Variants in IKBIP observed in about 807,000 individuals in gnomAD.
IKBIP encodes inhibitor of nuclear factor kappa-B kinase-interacting protein.
In IKBIP, 28 loss-of-function variants were observed where a neutral mutation model predicts 31.0. The observed-to-expected ratio is 0.90, with a 90% CI of 0.67 to 1.24. The LOEUF is 1.24. Among genes scored for constraint, IKBIP ranks in the 50% most tolerant of loss-of-function variants. The probability of loss-of-function intolerance (pLI) is 0.00; values close to 1 mark genes in which losing one functional copy is unlikely to be tolerated. For synonymous variants in IKBIP, 164 were observed against 160.3 expected (o/e 1.02, Z -0.17); for missense variants, 453 against 441.9 (o/e 1.03, Z -0.23).
At position 98,626,536 on chromosome 12, in the gene IKBIP, T is replaced by C; in HGVS notation, c.528A>G (p.Glu176=). ...TTACTTGAGAATGTATATGTTTTGC[T>C]TCTGATTTGAAAATGTCTGTATTAA... ...MNINTDIFKS[E]AKHIHSQVTV... is the part of the protein sequence containing the mutation. Residue 176 remains glutamate, a synonymous_variant, in exon 3 of 3, where the codon GAA becomes GAG. Transcript: ENST00000299157. The C allele has an allele frequency of 6.2e-7, 1 of 1,613,090 alleles. No homozygotes were observed. The highest frequency in any genetic ancestry group is 8.5e-7 in the Non-Finnish European group (1 of 1,179,550).
intron 2 of IKBIP, among the ~76,000 whole-genome samples, chr12:98,614,679 G>T (rs1565836148): frequency 6.6e-6 from 1 of 151,780 alleles, no homozygotes; most frequent in Non-Finnish European, 1.5e-5. Flanking sequence ...TGCCCACCTC[G>T]GCCTCCTAAA....
rs61623957 is a variant in IKBIP at position 98,630,376 on chromosome 12, CAAAAAAAAAAAAAAAAAAAAAA to C, written c.298-3632_298-3611del. On this transcript the variant is annotated intron_variant, in intron 2 of 2. Transcript: ENST00000299157. ...CCAGCCTGGGCAACAAGAGCCTGGG[CAAAAAAAAAAAAAAAAAAAAAA>C]AAAAAAAAAAAAAAAGAGCTAGTAC... Among the ~76,000 whole-genome samples, 53 of 41,300 alleles carry C rather than the reference CAAAAAAAAAAAAAAAAAAAAAA, an allele frequency of 1.3e-3. 2 individuals are homozygous for C. Among genetic ancestry groups the C allele is most frequent in the East Asian group, 3.5e-3 (3 of 850 alleles). The allele number at this position is 41,300 out of a possible 152,430, so 27.1% of individuals were successfully genotyped here.
Position 98,624,735 on chromosome 12 carries a change from A to G in IKBIP, c.*1195T>C. On this transcript the variant is annotated 3_prime_UTR_variant, in exon 3 of 3. Transcript: ENST00000299157. Reference sequence around the variant, plus strand: ...AAAATGACGTATTTTTAACTATCATAGTTATTATCATAATTAATTATCAGA... The same window carrying G: ...AAAATGACGTATTTTTAACTATCATGGTTATTATCATAATTAATTATCAGA... 1.1e-6 allele frequency: 1 copy of G among 894,482 alleles called. No homozygotes were observed. The allele number at this position is 894,482 out of a possible 1,614,324, so 55.4% of individuals were successfully genotyped here.
chr12:98,628,188 G>A (rs548352493), intron 2 of IKBIP, among the ~76,000 whole-genome samples: 11 of 152,320 alleles, frequency 7.2e-5, no homozygotes, highest in Non-Finnish European at 1.6e-4. Flanking sequence ...TTGTTTAATC[G>A]ACGAGAAAGA....
rs749244911 is a variant in IKBIP, at chr12:98,626,543, T to A, written c.521A>T (p.Lys174Ile). 6.2e-7 allele frequency: 1 copy of A among 1,613,070 alleles called. No individual in the cohort carries two copies. Among genetic ancestry groups the A allele is most frequent in the Non-Finnish European group, 8.5e-7 (1 of 1,179,536 alleles). Residue 174 changes from lysine to isoleucine, a missense_variant, in exon 3 of 3, where the codon AAA becomes ATA. Transcript: ENST00000299157. The stretch of plus-strand genomic sequence containing the variant: ...AGAATGTATATGTTTTGCTTCTGAT[T>A]TGAAAATGTCTGTATTAATGTTCAT... Reference protein sequence around the residue: ...EEMNINTDIFKSEAKHIHSQV... With the variant: ...EEMNINTDIFISEAKHIHSQV...
intron 1 of IKBIP, among the ~76,000 whole-genome samples, chr12:98,634,907 C>T (rs1324173653): frequency 6.6e-6 from 1 of 151,460 alleles, no homozygotes; most frequent in Non-Finnish European, 1.5e-5. Flanking sequence ...GACGGGGTTT[C>T]ACTGTGTTAG....
In IKBIP at chr12:98,633,929, C is replaced by T. The variant is rs368713518; in HGVS notation, c.297+367G>A. 9.9e-5 allele frequency among the ~76,000 whole-genome samples: 15 copies of T among 152,192 alleles called. 2 individuals carry two copies. Among genetic ancestry groups the T allele is most frequent in the East Asian group, 3.9e-4 (2 of 5,186 alleles). On this transcript the variant is annotated intron_variant, in intron 2 of 2. Coordinates refer to ENST00000299157, the MANE Select transcript of IKBIP (RefSeq NM_153687.4). ...GCTATTCATATTCTAATTTTATGTC[C>T]AAAGATCAACCATATTTTCAGATGA...
intron 2 of IKBIP, among the ~76,000 whole-genome samples, chr12:98,617,158 A>C (rs1468584328): frequency 6.6e-6 from 1 of 152,268 alleles, no homozygotes; most frequent in Non-Finnish European, 1.5e-5. Flanking sequence ...TATGTGGAAC[A>C]TAAAGATGAG....
chr12:98,614,018 T>G, exon 3 of IKBIP: 1 of 1,609,602 alleles, frequency 6.2e-7, no homozygotes, highest in Non-Finnish European at 8.5e-7. Context: ...TGTATTTTTT[T>G]CTACTTTCTC....
chr12:98,632,512 A>AATATATATATATATATATGTGT (rs2097621575), intron 2 of IKBIP, among the ~76,000 whole-genome samples: 2 of 22,792 alleles, frequency 8.8e-5, no homozygotes, highest in African/African-American at 3.4e-4. Context: ...AAAAAAAAAA[A>AATATATATATATATATATGTGT]ATATATATAT....
Position 98,625,364 on chromosome 12 carries a change from C to G in IKBIP, c.*566G>C. The G allele has an allele frequency of 1.2e-6, 1 of 864,316 alleles. No individual in the cohort carries two copies. 53.5% of individuals were successfully genotyped at this position (864,316 alleles called of 1,614,324 possible). ...AGTGCATATTAATTCATAGCAAAGG[C>G]ACCAGGCTCTCCCTCAGGCATGTTA... On this transcript the variant is annotated 3_prime_UTR_variant, in exon 3 of 3. Coordinates refer to ENST00000299157, the MANE Select transcript of IKBIP (RefSeq NM_153687.4).
chr12:98,623,850 T>C (rs1321422225), downstream of IKBIP, among the ~76,000 whole-genome samples: 2 of 151,184 alleles, frequency 1.3e-5, no homozygotes, highest in Non-Finnish European at 2.9e-5. Flanking sequence ...ATTTTAAGCA[T>C]CTGTGTTAAA....
intron 1 of IKBIP, among the ~76,000 whole-genome samples, chr12:98,642,117 C>G (rs1043269138): frequency 2.6e-5 from 4 of 152,202 alleles, no homozygotes; most frequent in African/African-American, 4.8e-5. Flanking sequence ...GTTTAGTTTT[C>G]TATTAAAGCT....
At chr12:98,623,482 C>T (rs566520857), downstream of IKBIP, among the ~76,000 whole-genome samples, 299 of 149,686 alleles carry the variant, frequency 2.0e-3, 19 homozygotes, top group African/African-American at 7.2e-3. Context: ...TGAGCTCAAG[C>T]GATCCTCCCA....
chr12:98,639,574 T>C lies in IKBIP; in HGVS notation c.179+4949A>G, dbSNP rs560244569. Reference sequence around the variant, plus strand: ...GCCATTGCAGTCTATAGAGACCTCATACAGATCTATCTAGGGTCCTGTGAT... The same window carrying C: ...GCCATTGCAGTCTATAGAGACCTCACACAGATCTATCTAGGGTCCTGTGAT... On this transcript the variant is annotated intron_variant, in intron 1 of 2. Coordinates refer to ENST00000299157, the MANE Select transcript of IKBIP (RefSeq NM_153687.4). Among the ~76,000 whole-genome samples the C allele has an allele frequency of 7.2e-5, 11 of 152,310 alleles. No individual in the cohort carries two copies. The East Asian group carries it at 2.1e-3, about 29-fold the overall frequency.
intron 2 of IKBIP, among the ~76,000 whole-genome samples, chr12:98,630,553 C>T (rs989292397): frequency 2.0e-5 from 3 of 152,040 alleles, no homozygotes; most frequent in Admixed American, 1.3e-4. Context: ...AACGTTGTTT[C>T]GATGTCCTTT....
chr12:98,620,028 C>T (rs575585749), downstream of IKBIP, among the ~76,000 whole-genome samples: 10 of 151,116 alleles, frequency 6.6e-5, no homozygotes, highest in African/African-American at 1.7e-4. Flanking sequence ...AAGTGATTCT[C>T]CGGCCTCAGC....
intron 2 of IKBIP, among the ~76,000 whole-genome samples, chr12:98,632,071 A>C (rs1437485329): frequency 6.6e-6 from 1 of 151,640 alleles, no homozygotes; most frequent in African/African-American, 2.4e-5. Context: ...GGCCAGGCTG[A>C]TCTCAAACTC....
intron 2 of IKBIP, among the ~76,000 whole-genome samples, chr12:98,618,616 A>G (rs780235616): frequency 7.9e-5 from 11 of 139,398 alleles, no homozygotes; most frequent in Non-Finnish European, 1.7e-4. Context: ...ACAGAGCCAG[A>G]CTCTGTCTCA....
Sources: allele counts gnomAD v4.1 joint callset (sites outside exome capture counted in the v4.1 genomes callset), GRCh38; gene constraint gnomAD v4.1.1; transcripts MANE v1.5; gene names NCBI Gene and HGNC (gene_info 2026-07-23, HGNC 2026-07-21).